SMIM31: variants seen among roughly 807,000 people sequenced by gnomAD.
SMIM31 encodes the protein human epithelial cell program regulator.
intron 2 of SMIM31, among the ~76,000 whole-genome samples, chr4:164,796,552 T>G (rs1733198130): frequency 6.6e-6 from 1 of 152,198 alleles, no homozygotes; most frequent in Non-Finnish European, 1.5e-5. Context: ...CCTAGACCTC[T>G]TTTCTGCTCA....
chr4:164,785,252 A>T (rs1733013186), intron 2 of SMIM31, among the ~76,000 whole-genome samples: 1 of 152,186 alleles, frequency 6.6e-6, no homozygotes. Flanking sequence ...AAATAAAAAA[A>T]AAATCTTGTA....
intron 2 of SMIM31, among the ~76,000 whole-genome samples, chr4:164,787,874 T>G (rs934951667): frequency 6.6e-6 from 1 of 152,228 alleles, no homozygotes; most frequent in African/African-American, 2.4e-5. Flanking sequence ...TAGACACGTA[T>G]TTGTTCTTTT....
In SMIM31 at chr4:164,799,176, G is replaced by A. The variant is rs184531036; in HGVS notation, c.113-1915G>A. 4.1e-3 allele frequency among the ~76,000 whole-genome samples: 618 copies of A among 152,004 alleles called. 1 individual carries two copies. The highest frequency in any genetic ancestry group is 0.014 in the African/African-American group (592 of 41,452). On this transcript the variant is annotated intron_variant, in intron 2 of 2. Transcript: ENST00000507311. ...CAAAGAGGGTGGATCCCTTGAACTC[G>A]GGAGTTCAAGACCAGCCTGGGCAAC...
chr4:164,787,807 G>C (rs1263576585), intron 2 of SMIM31, among the ~76,000 whole-genome samples: 1 of 152,058 alleles, frequency 6.6e-6, no homozygotes, highest in East Asian at 1.9e-4. Context: ...AGTCTTTTTA[G>C]TGCTTTACGT....
chr4:164,766,634 T>C (rs1422175807), intron 1 of SMIM31, among the ~76,000 whole-genome samples: 2 of 151,578 alleles, frequency 1.3e-5, no homozygotes, highest in African/African-American at 4.9e-5. Flanking sequence ...CCATCTCTAC[T>C]AAAAATACAA....
intron 2 of SMIM31, among the ~76,000 whole-genome samples, chr4:164,772,176 T>C (rs1732812027): frequency 6.6e-6 from 1 of 151,908 alleles, no homozygotes; most frequent in Non-Finnish European, 1.5e-5. Context: ...CCAATCATGG[T>C]GGAAGGGAAA....
At chr4:164,761,507 G>C (rs1393182234) in intron 1 of SMIM31, among the ~76,000 whole-genome samples, 2 of 152,130 alleles carry the variant, frequency 1.3e-5, no homozygotes, top group Non-Finnish European at 2.9e-5. Flanking sequence ...GCCTACAGTA[G>C]AGTCTGTAGT....
At position 164,754,361 on chromosome 4, in the gene SMIM31, T is replaced by C. The variant is rs1732524180; in HGVS notation, c.-76T>C. ...CAAGACACTGAAGACTCTGTTTGAA[T>C]CAGACTCACGGGTTCCTTCCTAGCC... On this transcript the variant is annotated 5_prime_UTR_variant, in exon 1 of 3. Transcript: ENST00000507311. The C allele has an allele frequency of 6.6e-6, 1 of 152,042 alleles. No homozygotes were observed. Among genetic ancestry groups the C allele is most frequent in the African/African-American group, 2.4e-5 (1 of 41,402 alleles). 9.4% of individuals were successfully genotyped at this position (152,042 alleles called of 1,614,324 possible).
chr4:164,780,888 G>A (rs748576718), intron 2 of SMIM31, among the ~76,000 whole-genome samples: 1 of 152,096 alleles, frequency 6.6e-6, no homozygotes, highest in Non-Finnish European at 1.5e-5. Flanking sequence ...ATAGCTCACT[G>A]AAGCCTCAAA....
At chr4:164,767,208 T>C (rs1732731555) in intron 1 of SMIM31, among the ~76,000 whole-genome samples, 1 of 152,146 alleles carries the variant, frequency 6.6e-6, no homozygotes, top group Admixed American at 6.5e-5. Flanking sequence ...TGCTAAAGGA[T>C]AGTAGGAATA....
intron 2 of SMIM31, among the ~76,000 whole-genome samples, chr4:164,797,707 G>GC (rs1435173398): frequency 2.0e-5 from 3 of 151,954 alleles, no homozygotes; most frequent in Non-Finnish European, 4.4e-5. Context: ...CAGGTGATCA[G>GC]CCCGCCTAGG....
chr4:164,761,657 G>A (rs1170848104), intron 1 of SMIM31, among the ~76,000 whole-genome samples: 1 of 151,868 alleles, frequency 6.6e-6, no homozygotes, highest in Non-Finnish European at 1.5e-5. Context: ...TGTGGCTCAC[G>A]CCTGCAATCC....
At chr4:164,793,529 T>A (rs1417036926) in intron 2 of SMIM31, among the ~76,000 whole-genome samples, 1 of 152,188 alleles carries the variant, frequency 6.6e-6, no homozygotes, top group Non-Finnish European at 1.5e-5. Context: ...AAGTCCAAGA[T>A]CAAGGTACTG....
Position 164,802,030 on chromosome 4 carries a change from G to A in SMIM31, c.*836G>A, listed in dbSNP as rs964652596. ...GGGCAGATCACGAGGTCAGGAGATT[G>A]AGACCATCCTAGCTAACACAGTGAA... On this transcript the variant is annotated 3_prime_UTR_variant, in exon 3 of 3. Transcript: ENST00000507311. 1 of 151,894 alleles carries A rather than the reference G, an allele frequency of 6.6e-6. No homozygotes were observed. The highest frequency in any genetic ancestry group is 1.5e-5 in the Non-Finnish European group (1 of 68,026). 9.4% of individuals were successfully genotyped at this position (151,894 alleles called of 1,614,324 possible). A position where few individuals can be genotyped will look rare whatever the true frequency, so the allele number is the denominator to read the frequency against.
At chr4:164,755,279 A>T (rs1383310919) in intron 1 of SMIM31, among the ~76,000 whole-genome samples, 8 of 151,480 alleles carry the variant, frequency 5.3e-5, no homozygotes, top group African/African-American at 1.9e-4. Flanking sequence ...CAGGAGTTTA[A>T]GACCAGCCTG....
chr4:164,780,217 G>A (rs1732929588), intron 2 of SMIM31, among the ~76,000 whole-genome samples: 1 of 152,182 alleles, frequency 6.6e-6, no homozygotes, highest in Non-Finnish European at 1.5e-5. Context: ...CACAAGGTCA[G>A]GAGATCAAGA....
At chr4:164,774,195 T>C (rs1359704145) in intron 2 of SMIM31, among the ~76,000 whole-genome samples, 3 of 149,276 alleles carry the variant, frequency 2.0e-5, no homozygotes, top group Admixed American at 2.0e-4. Context: ...AGGTTCATCA[T>C]CATGAAAAAT....
At chr4:164,766,492 C>T (rs957053371) in intron 1 of SMIM31, among the ~76,000 whole-genome samples, 1 of 151,762 alleles carries the variant, frequency 6.6e-6, no homozygotes, top group African/African-American at 2.4e-5. Context: ...TGGGGAAAGA[C>T]AGACAAACAA....
intron 2 of SMIM31, among the ~76,000 whole-genome samples, chr4:164,779,286 T>TAATA (rs1043023852): frequency 2.6e-5 from 4 of 152,312 alleles, no homozygotes; most frequent in Admixed American, 2.6e-4. Context: ...CATGCTGAGC[T>TAATA]AATACTTCAC....
Sources: allele counts gnomAD v4.1 joint callset (sites outside exome capture counted in the v4.1 genomes callset), GRCh38; gene constraint gnomAD v4.1.1; transcripts MANE v1.5; gene names NCBI Gene and HGNC (gene_info 2026-07-23, HGNC 2026-07-21).